SKA2: variants seen among roughly 807,000 people sequenced by gnomAD.
The protein encoded by SKA2 is spindle and kinetochore-associated protein 2.
SKA2 carries 13 observed loss-of-function variants against 16.9 expected under a neutral mutation model. The ratio of observed to expected loss-of-function variants is 0.77; its 90% CI spans 0.50 to 1.22. The LOEUF (loss-of-function observed/expected upper bound fraction) is 1.22, where lower values mean the gene tolerates loss of function less well. Among genes scored for constraint, SKA2 ranks in the 50% most tolerant of loss-of-function variants. The probability of loss-of-function intolerance (pLI) is 0.00; values close to 1 mark genes in which losing one functional copy is unlikely to be tolerated. For synonymous variants in SKA2, 47 were observed against 48.5 expected, an observed-to-expected ratio of 0.97 and a Z score of 0.13; for missense variants, 107 against 139.7, an observed-to-expected ratio of 0.77 and a Z score of 1.18.
chr17:59,121,151 CAAAA>C (rs71145525), intron 2 of SKA2, among the ~76,000 whole-genome samples: 2 of 99,700 alleles, frequency 2.0e-5, no homozygotes. Flanking sequence ...GACTCCGTCT[CAAAA>C]AAAAAAAAAA....
At chr17:59,122,221 T>C (rs922727925) in intron 2 of SKA2, among the ~76,000 whole-genome samples, 4 of 151,978 alleles carry the variant, frequency 2.6e-5, no homozygotes, top group African/African-American at 9.6e-5. Flanking sequence ...TGCTTGTAAT[T>C]CTAGCACTTT....
chr17:59,113,782 C>A (rs373506399), intron 3 of SKA2, among the ~76,000 whole-genome samples: 2 of 150,800 alleles, frequency 1.3e-5, no homozygotes, highest in Non-Finnish European at 2.9e-5. Context: ...GCCAAGATTA[C>A]GCCATTGCAC....
intron 1 of SKA2, among the ~76,000 whole-genome samples, chr17:59,144,524 G>A (rs1267089627): frequency 1.3e-5 from 2 of 152,166 alleles, no homozygotes; most frequent in East Asian, 3.9e-4. Context: ...TGTCCATGGA[G>A]GGATGAATGG....
At chr17:59,133,514 A>G (rs1322615755) in intron 1 of SKA2, among the ~76,000 whole-genome samples, 1 of 152,188 alleles carries the variant, frequency 6.6e-6, no homozygotes, top group East Asian at 1.9e-4. Context: ...TGAACTAAAG[A>G]TTGATTCTCA....
At chr17:59,149,635 C>T (rs748618976) in intron 1 of SKA2, among the ~76,000 whole-genome samples, 12 of 152,052 alleles carry the variant, frequency 7.9e-5, no homozygotes, top group Non-Finnish European at 1.6e-4. Context: ...ATATGCAAAA[C>T]GTGGAAATGA....
At chr17:59,128,686 A>G (rs1353385202) in intron 2 of SKA2, among the ~76,000 whole-genome samples, 1 of 152,058 alleles carries the variant, frequency 6.6e-6, no homozygotes, top group Non-Finnish European at 1.5e-5. Context: ...GTCATATATT[A>G]TATGATTCTA....
intron 1 of SKA2, 182 bp downstream of exon 1, chr17:59,154,949 C>G: frequency 6.2e-7 from 1 of 1,613,888 alleles, no homozygotes; most frequent in Non-Finnish European, 8.5e-7. Context: ...CGGATGTAAC[C>G]CCTTACCCGA....
chr17:59,137,218 A>G (rs143334424), intron 1 of SKA2, among the ~76,000 whole-genome samples: 88 of 152,148 alleles, frequency 5.8e-4, no homozygotes, highest in African/African-American at 2.1e-3. Context: ...AGGTCTCGCT[A>G]TGTTACCCAG....
Position 59,112,164 on chromosome 17 carries a change from A to G in SKA2, c.*113T>C, listed in dbSNP as rs913818988. ...ATCATTATCCAGTCATTGAAGCCAA[A>G]CCCCCTTCACCAGCCCCCAATCTCT... On this transcript the variant is annotated 3_prime_UTR_variant, in exon 4 of 4. Coordinates refer to ENST00000330137, the MANE Select transcript of SKA2 (RefSeq NM_182620.4). 2.6e-6 allele frequency: 2 copies of G among 768,506 alleles called. No individual in the cohort carries two copies. Among genetic ancestry groups the G allele is most frequent in the African/African-American group, 1.8e-5 (1 of 57,126 alleles). The allele number at this position is 768,506 out of a possible 1,614,324, so 47.6% of individuals were successfully genotyped here.
chr17:59,124,333 G>A (rs982765638), intron 2 of SKA2: 1 of 152,024 alleles, frequency 6.6e-6, no homozygotes, highest in Non-Finnish European at 1.5e-5. Context: ...GCAGGAGACT[G>A]AGGTGGGAGG....
At position 59,110,771 on chromosome 17, in the gene SKA2, AGAGT is replaced by A. The variant is rs993912237; in HGVS notation, c.*1502_*1505del. On this transcript the variant is annotated 3_prime_UTR_variant, in exon 4 of 4. Transcript: ENST00000330137. Reference sequence around the variant, plus strand: ...ACCACTGCATTCCAGCCTGGGCAACAGAGTGAGACTCCGTCTCAAAAAAAAAAAA... The same window carrying A: ...ACCACTGCATTCCAGCCTGGGCAACAGAGACTCCGTCTCAAAAAAAAAAAA... 2 of 138,432 alleles carry A rather than the reference AGAGT, an allele frequency of 1.4e-5. No homozygotes were observed. The highest frequency in any genetic ancestry group is 3.0e-5 in the Non-Finnish European group (2 of 65,610). The allele number at this position is 138,432 out of a possible 1,614,324, so 8.6% of individuals were successfully genotyped here.
chr17:59,155,031 C>T, intron 1 of SKA2, 100 bp downstream of exon 1: 1 of 1,614,038 alleles, frequency 6.2e-7, no homozygotes, highest in Non-Finnish European at 8.5e-7. Flanking sequence ...GGTCCAGCCT[C>T]CGCCGCCCGG....
intron 3 of SKA2, among the ~76,000 whole-genome samples, chr17:59,115,161 C>T (rs2046288093): frequency 6.7e-6 from 1 of 150,236 alleles, no homozygotes; most frequent in Non-Finnish European, 1.5e-5. Flanking sequence ...TCAGGAGATT[C>T]TCCTGCCTCA....
chr17:59,140,953 CTACTT>C (rs1009151942), intron 1 of SKA2, among the ~76,000 whole-genome samples: 2 of 150,552 alleles, frequency 1.3e-5, no homozygotes, highest in African/African-American at 4.9e-5. Context: ...TCAAAGTAGA[CTACTT>C]AACTTTTTTT....
rs181366394 is a variant in SKA2, at chr17:59,115,989, C to T, written c.297+3330G>A. Among the ~76,000 whole-genome samples, 20 of 151,982 alleles carry T rather than the reference C, an allele frequency of 1.3e-4. No homozygotes were observed. The East Asian group carries it at 1.9e-3, about 15-fold the overall frequency. On this transcript the variant is annotated intron_variant, in intron 3 of 3. Transcript: ENST00000330137. Reference sequence around the variant, plus strand: ...TATTTATTATTATATATGTTTTGGGCGTTTGTTTTGCTATTTTTTGTTTGG... The same window carrying T: ...TATTTATTATTATATATGTTTTGGGTGTTTGTTTTGCTATTTTTTGTTTGG...
chr17:59,131,260 C>T, intron 2 of SKA2, 21 bp downstream of exon 2: 1 of 1,540,518 alleles, frequency 6.5e-7, no homozygotes, highest in East Asian at 2.4e-5. Context: ...TTTTTTTAAG[C>T]TTATTTATTT....
intron 1 of SKA2, chr17:59,137,724 A>C (rs562591016): frequency 2.5e-5 from 13 of 514,454 alleles, no homozygotes; most frequent in Non-Finnish European, 4.3e-5. Context: ...CCTAAAGATG[A>C]CTTTTGCTTG....
chr17:59,115,969 A>G (rs1423093422), intron 3 of SKA2, among the ~76,000 whole-genome samples: 1 of 151,966 alleles, frequency 6.6e-6, no homozygotes, highest in Non-Finnish European at 1.5e-5. Context: ...TTTTCTATTT[A>G]TTATTATATA....
In SKA2 at chr17:59,125,283, G is replaced by A. The variant is rs572720100; in HGVS notation, c.121-5788C>T. 5.2e-4 allele frequency among the ~76,000 whole-genome samples: 79 copies of A among 150,572 alleles called. 4 individuals carry two copies. The South Asian group carries it at 0.016, about 31-fold the overall frequency. On this transcript the variant is annotated intron_variant, in intron 2 of 3. Transcript: ENST00000330137. ...TGGGATTACAGGTATGAGCCACCGC[G>A]CCCGGCCAGGAGCCTCTACGATTCT...
Sources: gnomAD v4.1 joint callset for allele counts (sites outside exome capture counted in the v4.1 genomes callset) on GRCh38, gnomAD v4.1.1 for gene constraint, MANE v1.5 for transcripts, NCBI Gene and HGNC (gene_info 2026-07-23, HGNC 2026-07-21) for gene names.